DLG2: variants seen among roughly 807,000 people sequenced by gnomAD.
DLG2 encodes disks large homolog 2.
In DLG2, 45 loss-of-function variants were observed where a neutral mutation model predicts 132.5. The observed-to-expected ratio is 0.34, with a 90% CI of 0.27 to 0.44. The LOEUF (loss-of-function observed/expected upper bound fraction) is 0.44, where lower values mean the gene tolerates loss of function less well. Ranked by LOEUF, DLG2 falls within the 20% of genes least tolerant of loss-of-function variation. The pLI is 1.00. For missense variants in DLG2, 1,045 were observed against 1,196.9 expected, an observed-to-expected ratio of 0.87 and a Z score of 1.87; for synonymous variants, 424 against 419.6, an observed-to-expected ratio of 1.01 and a Z score of -0.13.
chr11:84,525,669 C>G (rs1013908443), intron 7 of DLG2, among the ~76,000 whole-genome samples: 2 of 152,152 alleles, frequency 1.3e-5, no homozygotes, highest in African/African-American at 4.8e-5. Flanking sequence ...CAGGTCATGT[C>G]ATTCTCCTTT....
At chr11:85,389,636 C>T (rs546013627) in intron 3 of DLG2, among the ~76,000 whole-genome samples, 1 of 152,180 alleles carries the variant, frequency 6.6e-6, no homozygotes, top group South Asian at 2.1e-4. Context: ...ATAAAGGAAA[C>T]CCTATCAGAT....
chr11:84,737,591 G>C (rs1240744543), intron 6 of DLG2, among the ~76,000 whole-genome samples: 2 of 151,762 alleles, frequency 1.3e-5, no homozygotes, highest in Non-Finnish European at 2.9e-5. Context: ...CAGGAGTGGG[G>C]GATGTGATAT....
In DLG2 at chr11:84,859,395, T is replaced by C. The variant is rs891856919; in HGVS notation, c.357+252266A>G. On this transcript the variant is annotated intron_variant, in intron 6 of 27. Coordinates refer to ENST00000376104, the MANE Select transcript of DLG2 (RefSeq NM_001142699.3). Reference sequence around the variant, plus strand: ...ATACACATATATATGCATACATATATATGTATATATACATATATATGTATA... The same window carrying C: ...ATACACATATATATGCATACATATACATGTATATATACATATATATGTATA... Among the ~76,000 whole-genome samples, 4 of 146,228 alleles carry C rather than the reference T, an allele frequency of 2.7e-5. No individual in the cohort carries two copies. In the East Asian group the frequency reaches 6.0e-4, roughly 22 times the overall value.
At chr11:85,471,855 A>G (rs1369902118) in intron 3 of DLG2, among the ~76,000 whole-genome samples, 1 of 152,218 alleles carries the variant, frequency 6.6e-6, no homozygotes, top group East Asian at 1.9e-4. Context: ...AGCACACCAA[A>G]TTAAAAATAA....
At chr11:84,686,637 T>G (rs921774234) in intron 6 of DLG2, among the ~76,000 whole-genome samples, 5 of 150,270 alleles carry the variant, frequency 3.3e-5, no homozygotes, top group Non-Finnish European at 7.4e-5. Flanking sequence ...GAGGTTTTTT[T>G]TTTTTTTTTT....
At chr11:85,462,407 T>C (rs2092644940) in intron 3 of DLG2, among the ~76,000 whole-genome samples, 1 of 152,176 alleles carries the variant, frequency 6.6e-6, no homozygotes, top group East Asian at 1.9e-4. Flanking sequence ...AACCCATATG[T>C]CCGACAATGA....
At chr11:83,689,936 TA>T (rs2080577777) in intron 18 of DLG2, among the ~76,000 whole-genome samples, 5 of 143,060 alleles carry the variant, frequency 3.5e-5, no homozygotes, top group African/African-American at 7.7e-5. Flanking sequence ...CATAAATATA[TA>T]ATATATATTA....
chr11:84,408,023 T>A (rs2098866661), intron 7 of DLG2, among the ~76,000 whole-genome samples: 1 of 152,202 alleles, frequency 6.6e-6, no homozygotes, highest in Admixed American at 6.5e-5. Context: ...AGGACCTAGA[T>A]GTATGTGAAG....
chr11:84,444,586 TG>T (rs1195839031), intron 7 of DLG2, among the ~76,000 whole-genome samples: 1 of 152,150 alleles, frequency 6.6e-6, no homozygotes, highest in Non-Finnish European at 1.5e-5. Context: ...CTAGATAATA[TG>T]TATGTGCATA....
chr11:84,731,872 T>C (rs1258946905), intron 6 of DLG2, among the ~76,000 whole-genome samples: 1 of 152,026 alleles, frequency 6.6e-6, no homozygotes, highest in African/African-American at 2.4e-5. Flanking sequence ...ATAATCAAGA[T>C]AATAAACATA....
At chr11:84,952,204 C>T (rs1457882675) in intron 6 of DLG2, among the ~76,000 whole-genome samples, 1 of 152,214 alleles carries the variant, frequency 6.6e-6, no homozygotes, top group Admixed American at 6.5e-5. Context: ...CTCACTGCCT[C>T]TAATGTGCCC....
chr11:85,164,031 C>G (rs1017474598), intron 4 of DLG2, among the ~76,000 whole-genome samples: 4 of 151,964 alleles, frequency 2.6e-5, no homozygotes, highest in African/African-American at 4.8e-5. Flanking sequence ...GAAATAAGGG[C>G]TTGGGGTTTC....
intron 3 of DLG2, among the ~76,000 whole-genome samples, chr11:85,512,719 G>A (rs1361814120): frequency 2.6e-5 from 4 of 151,988 alleles, no homozygotes; most frequent in Non-Finnish European, 5.9e-5. Context: ...GCAGAAAAAA[G>A]GGAATGCTTA....
chr11:85,343,805 A>T (rs980811363), intron 3 of DLG2, among the ~76,000 whole-genome samples: 2 of 152,306 alleles, frequency 1.3e-5, no homozygotes, highest in African/African-American at 4.8e-5. Flanking sequence ...AATGACAGTG[A>T]TTATACAGTG....
intron 6 of DLG2, among the ~76,000 whole-genome samples, chr11:84,944,259 A>T (rs2049892467): frequency 6.6e-6 from 1 of 152,136 alleles, no homozygotes; most frequent in South Asian, 2.1e-4. Flanking sequence ...GGACTTTAGT[A>T]TTGATATCTT....
chr11:84,946,110 G>A (rs2154099880), intron 6 of DLG2, among the ~76,000 whole-genome samples: 1 of 152,256 alleles, frequency 6.6e-6, no homozygotes, highest in South Asian at 2.1e-4. Flanking sequence ...GTTAAGGGCA[G>A]TATCCTCCCT....
chr11:83,875,091 T>C (rs1018893092), intron 15 of DLG2, among the ~76,000 whole-genome samples: 1 of 152,122 alleles, frequency 6.6e-6, no homozygotes, highest in African/African-American at 2.4e-5. Context: ...TATAGATGTA[T>C]TTATTAGTTC....
intron 6 of DLG2, among the ~76,000 whole-genome samples, chr11:84,718,433 A>G (rs75000392): frequency 1.3e-5 from 2 of 152,106 alleles, no homozygotes; most frequent in Non-Finnish European, 1.5e-5. Flanking sequence ...TAAAAAAAAA[A>G]GTGTGTGCTT....
At chr11:85,494,803 A>G (rs1425399858) in intron 3 of DLG2, among the ~76,000 whole-genome samples, 1 of 152,110 alleles carries the variant, frequency 6.6e-6, no homozygotes, top group Non-Finnish European at 1.5e-5. Context: ...TCAAAGAAAC[A>G]TAGAAGATAT....
Sources: allele counts gnomAD v4.1 joint callset (sites outside exome capture counted in the v4.1 genomes callset), GRCh38; gene constraint gnomAD v4.1.1; transcripts MANE v1.5; gene names NCBI Gene and HGNC (gene_info 2026-07-23, HGNC 2026-07-21).